GTF2H4: variants seen among roughly 807,000 people sequenced by gnomAD.
GTF2H4 encodes general transcription factor IIH subunit 4.
GTF2H4 carries 49 observed loss-of-function variants against 62.2 expected under a neutral mutation model. The observed-to-expected ratio is 0.79, with a 90% confidence interval of 0.63 to 1.00. The LOEUF is 1.00. Ranked by LOEUF, GTF2H4 falls within the 50% of genes least tolerant of loss-of-function variation. The pLI, the probability that GTF2H4 is intolerant of heterozygous loss-of-function variation, is 0.00. For missense variants in GTF2H4, 479 were observed against 587.8 expected, an observed-to-expected ratio of 0.81 and a Z score of 1.91; for synonymous variants, 189 against 233.8, an observed-to-expected ratio of 0.81 and a Z score of 1.75.
In GTF2H4 at chr6:30,909,031, C is replaced by T; in HGVS notation, c.-3-3C>T. On this transcript the variant is annotated splice_polypyrimidine_tract_variant and splice_region_variant and intron_variant, in intron 1 of 13. Coordinates refer to ENST00000259895, the MANE Select transcript of GTF2H4 (RefSeq NM_001517.5). The surrounding 1 kb of genome is among the most constrained non-coding windows in gnomAD (Gnocchi z 4.3). ...TTGCACTTCTGACGTTTGCATTCCT[C>T]AGGTGATGGAGAGCACCCCTTCAAG... The T allele has an allele frequency of 6.2e-7, 1 of 1,614,046 alleles. No homozygotes were observed. Among genetic ancestry groups the T allele is most frequent in the Non-Finnish European group, 8.5e-7 (1 of 1,180,010 alleles).
rs1793826316 is a variant in GTF2H4, at chr6:30,912,573, T to C, written c.1089+115T>C. 1 of 1,323,360 alleles carries C rather than the reference T, an allele frequency of 7.6e-7. No individual in the cohort carries two copies. Among genetic ancestry groups the C allele is most frequent in the Non-Finnish European group, 1.0e-6 (1 of 956,418 alleles). 82.0% of individuals were successfully genotyped at this position (1,323,360 alleles called of 1,614,324 possible). A position where few individuals can be genotyped will look rare whatever the true frequency, so the allele number is the denominator to read the frequency against. On this transcript the variant is annotated intron_variant, in intron 11 of 13. Coordinates refer to ENST00000259895, the MANE Select transcript of GTF2H4 (RefSeq NM_001517.5). This position sits in a 1 kb window ranked among gnomAD's most constrained non-coding sequence, Gnocchi z 4.8. Reference sequence around the variant, plus strand: ...GTCTGTTATAATAGGTGGTGGTGAGTTGTCTGTGTTTGAAGAGAAATGAAG... The same window carrying C: ...GTCTGTTATAATAGGTGGTGGTGAGCTGTCTGTGTTTGAAGAGAAATGAAG...
rs1298376861 is a variant in GTF2H4 at position 30,910,682 on chromosome 6, A to G, written c.392A>G (p.Asp131Gly). 3.1e-6 allele frequency: 5 copies of G among 1,612,824 alleles called. No individual in the cohort carries two copies. Among genetic ancestry groups the G allele is most frequent in the Non-Finnish European group, 4.2e-6 (5 of 1,179,968 alleles). Residue 131 changes from aspartate (D) to glycine (G), a missense_variant, in exon 5 of 14, where the codon GAT becomes GGT. By Grantham distance (94) the Asp-to-Gly change is moderately conservative (BLOSUM62 -1). Coordinates refer to ENST00000259895, the MANE Select transcript of GTF2H4 (RefSeq NM_001517.5). This position sits in a 1 kb window ranked among gnomAD's most constrained non-coding sequence, Gnocchi z 4.7. ...GGCCGTAGGGGGAAGGCCTGGTCTGATGACACAAGTCAGCTGGGACCAGAC... is the reference window on the plus strand; with the variant it reads ...GGCCGTAGGGGGAAGGCCTGGTCTGGTGACACAAGTCAGCTGGGACCAGAC... ...ALLGGGKAWS[D>G]DTSQLGPDKH...
Position 30,910,690 on chromosome 6 carries a change from A to C in GTF2H4, c.400A>C (p.Ser134Arg). 6.2e-7 allele frequency: 1 copy of C among 1,612,964 alleles called. No homozygotes were observed. The change falls in exon 5 of 14, where the codon AGT becomes CGT. Residue 134 changes from serine to arginine, a missense_variant. Ser to Arg is a moderately radical substitution (Grantham distance 110). Transcript: ENST00000259895. The surrounding 1 kb of genome is among the most constrained non-coding windows in gnomAD (Gnocchi z 4.7). Reference protein sequence around the residue: ...GGGKAWSDDTSQLGPDKHARD... With the variant: ...GGGKAWSDDTRQLGPDKHARD... ...GGGGAAGGCCTGGTCTGATGACACA[A>C]GTCAGCTGGGACCAGACAAGCATGC... is the stretch of plus-strand genomic sequence containing the variant.
Position 30,911,261 on chromosome 6 carries a change from A to G in GTF2H4, c.664A>G (p.Thr222Ala). The part of the protein sequence containing the change: ...LWYFMLQYLQ[T>A]AQSRGMDLVE... ...GTACTTTATGTTGCAGTATTTGCAG[A>G]CAGCCCAGGTGAGGAGGCAGGGCCA... is the stretch of plus-strand genomic sequence containing the variant. Residue 222 changes from threonine to alanine, a missense_variant, in exon 7 of 14, where the codon ACA (threonine) becomes GCA (alanine). Physicochemically the swap from Thr to Ala is moderately conservative, Grantham distance 58. Coordinates refer to ENST00000259895, the MANE Select transcript of GTF2H4 (RefSeq NM_001517.5). The surrounding 1 kb of genome is among the most constrained non-coding windows in gnomAD (Gnocchi z 4.3). The G allele has an allele frequency of 6.2e-7, 1 of 1,612,822 alleles. No homozygotes were observed. The highest frequency in any genetic ancestry group is 8.5e-7 in the Non-Finnish European group (1 of 1,179,510).
chr6:30,912,571 A>C lies in GTF2H4; in HGVS notation c.1089+113A>C. 1 of 1,356,224 alleles carries C rather than the reference A, an allele frequency of 7.4e-7. No individual in the cohort carries two copies. Among genetic ancestry groups the C allele is most frequent in the Admixed American group, 1.9e-5 (1 of 52,254 alleles). The allele number at this position is 1,356,224 out of a possible 1,614,324, so 84.0% of individuals were successfully genotyped here. On this transcript the variant is annotated intron_variant, in intron 11 of 13. Coordinates refer to ENST00000259895, the MANE Select transcript of GTF2H4 (RefSeq NM_001517.5). The surrounding 1 kb of genome is among the most constrained non-coding windows in gnomAD (Gnocchi z 4.8). ...GAGTCTGTTATAATAGGTGGTGGTG[A>C]GTTGTCTGTGTTTGAAGAGAAATGA...
chr6:30,913,213 A>G lies in GTF2H4; in HGVS notation c.1137+56A>G, dbSNP rs1793877547. 6.2e-7 allele frequency: 1 copy of G among 1,613,244 alleles called. No homozygotes were observed. Among genetic ancestry groups the G allele is most frequent in the African/African-American group, 1.3e-5 (1 of 74,898 alleles). On this transcript the variant is annotated intron_variant, in intron 12 of 13. Transcript: ENST00000259895. This position sits in a 1 kb window ranked among gnomAD's most constrained non-coding sequence, Gnocchi z 4.2. ...GGCAGCTGGTGATGACATGATGGAA[A>G]AGAAAAAGGGGCATCCAAATCTGGG...
In GTF2H4 at chr6:30,910,582, C is replaced by T. The variant is rs781310464; in HGVS notation, c.375-83C>T. The stretch of plus-strand genomic sequence containing the variant: ...CTGACCTCAAGTGATCCGCCCATCT[C>T]GGCCTCCCAAAGTACAGGGATTACA... On this transcript the variant is annotated intron_variant, in intron 4 of 13. Coordinates refer to ENST00000259895, the MANE Select transcript of GTF2H4 (RefSeq NM_001517.5). This position sits in a 1 kb window ranked among gnomAD's most constrained non-coding sequence, Gnocchi z 4.7. The T allele has an allele frequency of 2.1e-5, 20 of 971,950 alleles. No homozygotes were observed. Among genetic ancestry groups the T allele is most frequent in the Admixed American group, 9.1e-5 (5 of 54,906 alleles). The allele number at this position is 971,950 out of a possible 1,614,324, so 60.2% of individuals were successfully genotyped here. A position where few individuals can be genotyped will look rare whatever the true frequency, so the allele number is the denominator to read the frequency against.
chr6:30,908,887 A>T (rs886674013), intron 1 of GTF2H4, 147 bp from the exon 2 acceptor site: 4 of 890,722 alleles, frequency 4.5e-6, no homozygotes, highest in Non-Finnish European at 7.2e-6. Flanking sequence ...TTTGGGAGAA[A>T]CCAGAGGAGA....
chr6:30,911,707 T>G lies in GTF2H4; in HGVS notation c.765T>G (p.Ser255Arg). The G allele has an allele frequency of 6.2e-7, 1 of 1,612,914 alleles. No homozygotes were observed. The highest frequency in any genetic ancestry group is 8.5e-7 in the Non-Finnish European group (1 of 1,179,952). Reference sequence around the variant, plus strand: ...AGGATTACTCTGTGGAAGGTATGAGTGATTCTCTGTTGAACTTCCTGCAAC... The same window carrying G: ...AGGATTACTCTGTGGAAGGTATGAGGGATTCTCTGTTGAACTTCCTGCAAC... The part of the protein sequence containing the change: ...LGKDYSVEGM[S>R]DSLLNFLQHL... The change falls in exon 9 of 14, where the codon AGT becomes AGG. Residue 255 changes from serine (S) to arginine (R), a missense_variant. By Grantham distance (110) the Ser-to-Arg change is moderately radical. Coordinates refer to ENST00000259895, the MANE Select transcript of GTF2H4 (RefSeq NM_001517.5). This position sits in a 1 kb window ranked among gnomAD's most constrained non-coding sequence, Gnocchi z 4.3.
Position 30,909,528 on chromosome 6 carries a change from G to A in GTF2H4, c.231G>A (p.Lys77=). Residue 77 remains lysine (K), a synonymous_variant, in exon 3 of 14, where the codon AAG becomes AAA. Coordinates refer to ENST00000259895, the MANE Select transcript of GTF2H4 (RefSeq NM_001517.5). The surrounding 1 kb of genome is among the most constrained non-coding windows in gnomAD (Gnocchi z 4.3). Reference sequence around the variant, plus strand: ...CTGCTGTAGCTCTGTGGGTAAAGAAGGAATTCAGCAAGTAAGTCTCAGCCA... The same window carrying A: ...CTGCTGTAGCTCTGTGGGTAAAGAAAGAATTCAGCAAGTAAGTCTCAGCCA... ...PQAAVALWVK[K]EFSKAQEEST... The A allele has an allele frequency of 6.2e-7, 1 of 1,603,780 alleles. No individual in the cohort carries two copies. The highest frequency in any genetic ancestry group is 1.1e-5 in the South Asian group (1 of 90,856).
Position 30,913,180 on chromosome 6 carries a change from C to T in GTF2H4, c.1137+23C>T. 2 of 1,613,902 alleles carry T rather than the reference C, an allele frequency of 1.2e-6. No individual in the cohort carries two copies. Among genetic ancestry groups the T allele is most frequent in the South Asian group, 2.2e-5 (2 of 91,050 alleles). On this transcript the variant is annotated intron_variant, in intron 12 of 13. Transcript: ENST00000259895. This position sits in a 1 kb window ranked among gnomAD's most constrained non-coding sequence, Gnocchi z 4.2. ...CAGGTATAGACAGGCTCCAAGATGT[C>T]AGAGGCTGGCAGCTGGTGATGACAT...
Position 30,913,877 on chromosome 6 carries a change from TG to T in GTF2H4, c.1286del (p.Gly429AlafsTer15). 1 of 1,609,160 alleles carries T rather than the reference TG, an allele frequency of 6.2e-7. No individual in the cohort carries two copies. The highest frequency in any genetic ancestry group is 8.5e-7 in the Non-Finnish European group (1 of 1,178,164). ...FELLLAHARE[L>X]GVLVFENSAK... Reference sequence around the variant, plus strand: ...CTGCTGCTGGCCCACGCGCGGGAGCTGGGCGTGCTCGTGTTCGAGAACTCGG... The same window carrying T: ...CTGCTGCTGGCCCACGCGCGGGAGCTGGCGTGCTCGTGTTCGAGAACTCGG... On this transcript the variant is annotated frameshift_variant, in exon 14 of 14. Transcript: ENST00000259895. LOFTEE classifies it high-confidence loss of function. The surrounding 1 kb of genome is among the most constrained non-coding windows in gnomAD (Gnocchi z 4.2).
Position 30,913,915 on chromosome 6 carries a change from A to C in GTF2H4, c.1321A>C (p.Met441Leu). The C allele has an allele frequency of 6.2e-7, 1 of 1,607,534 alleles. No homozygotes were observed. The highest frequency in any genetic ancestry group is 8.5e-7 in the Non-Finnish European group (1 of 1,177,314). Residue 441 changes from methionine (M) to leucine (L), a missense_variant, in exon 14 of 14, where the codon ATG becomes CTG. Coordinates refer to ENST00000259895, the MANE Select transcript of GTF2H4 (RefSeq NM_001517.5). This position sits in a 1 kb window ranked among gnomAD's most constrained non-coding sequence, Gnocchi z 4.2. ...LVFENSAKRL[M>L]VVTPAGHSDV... ...GTTCGAGAACTCGGCCAAGCGGCTC[A>C]TGGTGGTGACCCCGGCCGGGCACAG...
At position 30,909,107 on chromosome 6, in the gene GTF2H4, G is replaced by A. The variant is rs777329680; in HGVS notation, c.71G>A (p.Gly24Glu). 1 of 1,614,182 alleles carries A rather than the reference G, an allele frequency of 6.2e-7. No homozygotes were observed. The highest frequency in any genetic ancestry group is 2.2e-5 in the East Asian group (1 of 44,896). The change falls in exon 2 of 14, where the codon GGG becomes GAG. Residue 24 changes from glycine to glutamate, a missense_variant. By Grantham distance (98) the Gly-to-Glu change is moderately conservative. Coordinates refer to ENST00000259895, the MANE Select transcript of GTF2H4 (RefSeq NM_001517.5). This position sits in a 1 kb window ranked among gnomAD's most constrained non-coding sequence, Gnocchi z 4.3. Reference protein sequence around the residue: ...LQCRNLQEFLGGLSPGVLDRL... With the variant: ...LQCRNLQEFLEGLSPGVLDRL... ...TGCAGGAATCTGCAGGAATTCTTAG[G>A]GGGCCTGAGCCCTGGGGTATTGGAC... is the stretch of plus-strand genomic sequence containing the variant.
In GTF2H4 at chr6:30,912,107, A is replaced by G; in HGVS notation, c.919A>G (p.Ile307Val). ...AGGTVHQPGF[I>V]VVETNYRLYA... Reference sequence around the variant, plus strand: ...GGGCACTGTGCATCAGCCAGGTTTCATTGTCGTGGAAACCAATTACCGACT... The same window carrying G: ...GGGCACTGTGCATCAGCCAGGTTTCGTTGTCGTGGAAACCAATTACCGACT... The change falls in exon 10 of 14, where the codon ATT becomes GTT. Residue 307 changes from isoleucine (I) to valine (V), a missense_variant. Physicochemically the swap from Ile to Val is conservative, Grantham distance 29. Coordinates refer to ENST00000259895, the MANE Select transcript of GTF2H4 (RefSeq NM_001517.5). The surrounding 1 kb of genome is among the most constrained non-coding windows in gnomAD (Gnocchi z 4.8). 6.2e-7 allele frequency: 1 copy of G among 1,612,876 alleles called. No homozygotes were observed. Among genetic ancestry groups the G allele is most frequent in the Non-Finnish European group, 8.5e-7 (1 of 1,179,978 alleles).
Position 30,910,173 on chromosome 6 carries a change from G to GC in GTF2H4, c.374+110_374+111insC. On this transcript the variant is annotated intron_variant, in intron 4 of 13. Coordinates refer to ENST00000259895, the MANE Select transcript of GTF2H4 (RefSeq NM_001517.5). This position sits in a 1 kb window ranked among gnomAD's most constrained non-coding sequence, Gnocchi z 4.7. The stretch of plus-strand genomic sequence containing the variant: ...CCTGGGGGCCTCCCCAGAACCTTGT[G>GC]GTCTCCACGTTGGGAACTCCTTTAG... The GC allele has an allele frequency of 4.9e-6, 6 of 1,217,364 alleles. No homozygotes were observed. In the South Asian group the frequency reaches 7.0e-5, roughly 14 times the overall value. The allele number at this position is 1,217,364 out of a possible 1,614,324, so 75.4% of individuals were successfully genotyped here.
In GTF2H4 at chr6:30,910,169, T is replaced by C; in HGVS notation, c.374+106T>C. 7.9e-7 allele frequency: 1 copy of C among 1,260,880 alleles called. No individual in the cohort carries two copies. 78.1% of individuals were successfully genotyped at this position (1,260,880 alleles called of 1,614,324 possible). A position where few individuals can be genotyped will look rare whatever the true frequency, so the allele number is the denominator to read the frequency against. ...AGCTCCTGGGGGCCTCCCCAGAACC[T>C]TGTGGTCTCCACGTTGGGAACTCCT... On this transcript the variant is annotated intron_variant, in intron 4 of 13. Coordinates refer to ENST00000259895, the MANE Select transcript of GTF2H4 (RefSeq NM_001517.5). This position sits in a 1 kb window ranked among gnomAD's most constrained non-coding sequence, Gnocchi z 4.7.
chr6:30,909,312 CA>C lies in GTF2H4; in HGVS notation c.138-119del. On this transcript the variant is annotated intron_variant, in intron 2 of 13. Coordinates refer to ENST00000259895, the MANE Select transcript of GTF2H4 (RefSeq NM_001517.5). This position sits in a 1 kb window ranked among gnomAD's most constrained non-coding sequence, Gnocchi z 4.3. ...GGAAATTGCTCTAAAGTGTGGAGGC[CA>C]AAACAGCAGGACTGGTAAAGTTGTG... The C allele has an allele frequency of 2.4e-6, 3 of 1,242,456 alleles. No homozygotes were observed. Among genetic ancestry groups the C allele is most frequent in the Non-Finnish European group, 3.4e-6 (3 of 885,476 alleles). 77.0% of individuals were successfully genotyped at this position (1,242,456 alleles called of 1,614,324 possible).
At position 30,911,632 on chromosome 6, in the gene GTF2H4, G is replaced by T; in HGVS notation, c.742-52G>T. The stretch of plus-strand genomic sequence containing the variant: ...AAAGAAAGAATGAATGTATGGGGTT[G>T]GGGGTGGGTGGGTTGTGTTTTGGAC... On this transcript the variant is annotated intron_variant, in intron 8 of 13. Coordinates refer to ENST00000259895, the MANE Select transcript of GTF2H4 (RefSeq NM_001517.5). The surrounding 1 kb of genome is among the most constrained non-coding windows in gnomAD (Gnocchi z 4.3). 7.1e-7 allele frequency: 1 copy of T among 1,407,986 alleles called. No individual in the cohort carries two copies. The highest frequency in any genetic ancestry group is 1.0e-6 in the Non-Finnish European group (1 of 992,770). The allele number at this position is 1,407,986 out of a possible 1,614,324, so 87.2% of individuals were successfully genotyped here.
Sources: allele counts gnomAD v4.1 joint callset, GRCh38; gene constraint gnomAD v4.1.1; non-coding constraint Gnocchi (gnomAD v3.1); transcripts MANE v1.5; gene names NCBI Gene and HGNC (gene_info 2026-07-23, HGNC 2026-07-21).